Variants in AOAH observed in about 807,000 individuals in gnomAD.
The protein encoded by AOAH is acyloxyacyl hydrolase, also known as acyloxyacyl hydrolase (neutrophil).
Under a neutral mutation model 92.2 loss-of-function variants are expected in AOAH, and 64 were observed. The ratio of observed to expected loss-of-function variants is 0.69; its 90% CI spans 0.57 to 0.86. The LOEUF (loss-of-function observed/expected upper bound fraction) is 0.86, where lower values mean the gene tolerates loss of function less well. AOAH is among the 40% of genes least tolerant of loss of function. AOAH has a pLI of 0.00. For synonymous variants in AOAH, 263 were observed against 254.5 expected, an observed-to-expected ratio of 1.03 and a Z score of -0.32; for missense variants, 656 against 694.6, an observed-to-expected ratio of 0.94 and a Z score of 0.62.
chr7:36,637,721 T>C (rs1793617473), intron 5 of AOAH, 130 bp downstream of exon 5: 3 of 794,832 alleles, frequency 3.8e-6, no homozygotes, highest in Admixed American at 2.4e-5. Flanking sequence ...CCTACTTCCA[T>C]CCCCACGTAG....
chr7:36,632,100 A>G lies in AOAH; in HGVS notation c.457T>C (p.Ser153Pro). ...GAACAAATGTCAGAACCACTTCTAGAATATTTCTGGGGAGAAAAAAAAAAA... is the reference window on the plus strand; with the variant it reads ...GAACAAATGTCAGAACCACTTCTAGGATATTTCTGGGGAGAAAAAAAAAAA... ...IVKKSPILKY[S>P]RSGSDICSLP... is the part of the protein sequence containing the mutation. Residue 153 changes from serine to proline, a missense_variant, in exon 6 of 21, where the codon TCT becomes CCT. Coordinates refer to ENST00000617537, the MANE Select transcript of AOAH (RefSeq NM_001637.4). 1 of 1,610,774 alleles carries G rather than the reference A, an allele frequency of 6.2e-7. No homozygotes were observed. Among genetic ancestry groups the G allele is most frequent in the South Asian group, 1.1e-5 (1 of 90,034 alleles).
chr7:36,587,816 TA>T (rs1789462151), intron 12 of AOAH, among the ~76,000 whole-genome samples: 1 of 152,156 alleles, frequency 6.6e-6, no homozygotes, highest in African/African-American at 2.4e-5. Context: ...ACATTGAAAA[TA>T]TGATTTTCAA....
chr7:36,652,751 A>G (rs1039361765), intron 4 of AOAH, among the ~76,000 whole-genome samples: 2 of 152,244 alleles, frequency 1.3e-5, no homozygotes, highest in African/African-American at 4.8e-5. Flanking sequence ...AATTCGAGGA[A>G]CATTTTACCG....
Position 36,685,638 on chromosome 7 carries a change from G to A in AOAH, c.223+1061C>T, listed in dbSNP as rs116126153. Among the ~76,000 whole-genome samples the A allele has an allele frequency of 6.3e-3, 957 of 152,310 alleles. 10 individuals are homozygous for A. The highest frequency in any genetic ancestry group is 0.022 in the African/African-American group (926 of 41,554). ...ATCTGATGAGAATGATACCCATTAA[G>A]TTCATGTGAAGGGTTCCTTCTAGGG... On this transcript the variant is annotated intron_variant, in intron 2 of 20. Transcript: ENST00000617537.
intron 11 of AOAH, among the ~76,000 whole-genome samples, chr7:36,602,524 C>G (rs1008202456): frequency 1.3e-5 from 2 of 149,978 alleles, no homozygotes; most frequent in African/African-American, 4.9e-5. Flanking sequence ...TATAAAATAT[C>G]CTCCTCATAT....
intron 13 of AOAH, among the ~76,000 whole-genome samples, chr7:36,550,461 C>G (rs12701510): frequency 0.5 from 75,270 of 151,750 alleles, 19,025 homozygotes; most frequent in Middle Eastern, 0.6. Context: ...TGTGAGGTAG[C>G]TACTGTTGTA....
intron 2 of AOAH, among the ~76,000 whole-genome samples, chr7:36,676,202 T>C (rs1796247832): frequency 6.6e-6 from 1 of 152,182 alleles, no homozygotes; most frequent in South Asian, 2.1e-4. Context: ...TGATCTTCCA[T>C]GTAGAAAATC....
rs571143311 is a variant in AOAH at position 36,716,537 on chromosome 7, G to A, written c.127+7485C>T. 3.4e-4 allele frequency among the ~76,000 whole-genome samples: 50 copies of A among 149,044 alleles called. 4 individuals carry two copies. Among genetic ancestry groups the A allele is most frequent in the African/African-American group, 7.8e-4 (31 of 39,544 alleles). On this transcript the variant is annotated intron_variant, in intron 1 of 20. Coordinates refer to ENST00000617537, the MANE Select transcript of AOAH (RefSeq NM_001637.4). ...ACACATGCACACGTATGTTTATTGC[G>A]GCACTATTCACAATAGCAAAGACTT...
intron 13 of AOAH, among the ~76,000 whole-genome samples, chr7:36,568,605 A>G (rs933242522): frequency 1.3e-5 from 2 of 152,162 alleles, no homozygotes; most frequent in Non-Finnish European, 2.9e-5. Context: ...TGCTCATAGC[A>G]TAACTGCCAT....
chr7:36,648,503 A>G (rs1360041055), intron 4 of AOAH, among the ~76,000 whole-genome samples: 1 of 151,956 alleles, frequency 6.6e-6, no homozygotes, highest in African/African-American at 2.4e-5. Flanking sequence ...ACATTTACCC[A>G]GTATGCCATT....
chr7:36,694,357 G>A lies in AOAH; in HGVS notation c.128-7563C>T, dbSNP rs574015466. Among the ~76,000 whole-genome samples, 14 of 152,230 alleles carry A rather than the reference G, an allele frequency of 9.2e-5. 1 individual carries two copies. The highest frequency in any genetic ancestry group is 9.2e-4 in the Admixed American group (14 of 15,290). ...GTTAAAAATACAAAAAATTAGCCAG[G>A]TGTGGTGGCATGCACCTGTAATCCC... is the stretch of plus-strand genomic sequence containing the variant. On this transcript the variant is annotated intron_variant, in intron 1 of 20. Transcript: ENST00000617537.
intron 8 of AOAH, 151 bp downstream of exon 8, chr7:36,621,559 G>T: frequency 1.2e-6 from 1 of 803,124 alleles, no homozygotes; most frequent in South Asian, 1.6e-5. Context: ...AATGAATGCC[G>T]TTCTTTTTTC....
chr7:36,678,481 G>A (rs1163478672), intron 2 of AOAH, among the ~76,000 whole-genome samples: 1 of 151,756 alleles, frequency 6.6e-6, no homozygotes, highest in East Asian at 1.9e-4. Context: ...ACATTAGGGT[G>A]TTCTTTGATA....
chr7:36,541,205 T>C (rs987012447), intron 15 of AOAH, among the ~76,000 whole-genome samples: 3 of 152,358 alleles, frequency 2.0e-5, no homozygotes, highest in Admixed American at 1.3e-4. Flanking sequence ...TTCCAGGCTA[T>C]ACCCTGCAAC....
rs1204556400 is a variant in AOAH, at chr7:36,623,187, T to A, written c.582+3A>T. On this transcript the variant is annotated splice_donor_region_variant and intron_variant, in intron 7 of 20. Coordinates refer to ENST00000617537, the MANE Select transcript of AOAH (RefSeq NM_001637.4). Reference sequence around the variant, plus strand: ...ACATCTGGTTATTCCTAACAATACTTACTGGGAAAACGCTGTATTTGTCTG... The same window carrying A: ...ACATCTGGTTATTCCTAACAATACTAACTGGGAAAACGCTGTATTTGTCTG... 1 of 1,613,100 alleles carries A rather than the reference T, an allele frequency of 6.2e-7. No homozygotes were observed. The highest frequency in any genetic ancestry group is 8.5e-7 in the Non-Finnish European group (1 of 1,179,068).
intron 1 of AOAH, among the ~76,000 whole-genome samples, chr7:36,718,072 G>A (rs1307369002): frequency 1.3e-5 from 2 of 151,974 alleles, no homozygotes; most frequent in Admixed American, 6.6e-5. Context: ...GAAAAAAGAC[G>A]TCTATCTAGA....
chr7:36,650,104 ATCT>A, intron 4 of AOAH, among the ~76,000 whole-genome samples: 1 of 150,726 alleles, frequency 6.6e-6, no homozygotes, highest in Non-Finnish European at 1.5e-5. Flanking sequence ...GGCTTCTGCC[ATCT>A]TGGAAGCGGC....
intron 16 of AOAH, 154 bp downstream of exon 16, chr7:36,540,165 A>G (rs906020813): frequency 1.6e-6 from 1 of 627,380 alleles, no homozygotes; most frequent in African/African-American, 1.9e-5. Flanking sequence ...AATGACCTTT[A>G]GATACTGCAC....
chr7:36,575,360 G>A (rs1318954869), intron 13 of AOAH, among the ~76,000 whole-genome samples: 1 of 152,076 alleles, frequency 6.6e-6, no homozygotes, highest in Non-Finnish European at 1.5e-5. Flanking sequence ...AGAGAGTCTT[G>A]GTTTCTCCAT....
Sources: gnomAD v4.1 joint callset for allele counts (sites outside exome capture counted in the v4.1 genomes callset) on GRCh38, gnomAD v4.1.1 for gene constraint, MANE v1.5 for transcripts, NCBI Gene and HGNC (gene_info 2026-07-23, HGNC 2026-07-21) for gene names.